Variants in PDE4D observed in about 807,000 individuals in gnomAD.
PDE4D encodes the protein 3',5'-cyclic-AMP phosphodiesterase 4D.
Under a neutral mutation model 87.4 loss-of-function variants are expected in PDE4D, and 24 were observed. The observed-to-expected ratio is 0.27, with a 90% CI of 0.20 to 0.39. The LOEUF is 0.39. PDE4D is among the 10% of genes least tolerant of loss of function. PDE4D has a pLI of 1.00. For synonymous variants in PDE4D, 384 were observed against 383.2 expected (o/e 1.00, Z -0.02); for missense variants, 714 against 1,041.0 (o/e 0.69, Z 4.32).
intron 1 of PDE4D, among the ~76,000 whole-genome samples, chr5:60,275,898 G>C (rs1751314636): frequency 6.6e-6 from 1 of 151,790 alleles, no homozygotes; most frequent in South Asian, 2.1e-4. Context: ...TGGATTTTTA[G>C]AAGTCTGTTG....
intron 1 of PDE4D, among the ~76,000 whole-genome samples, chr5:59,533,239 C>G (rs1319875991): frequency 1.3e-5 from 2 of 152,058 alleles, no homozygotes; most frequent in African/African-American, 4.8e-5. Flanking sequence ...AATATTTGTA[C>G]AAGGAAATGG....
At chr5:59,437,608 C>A (rs1157297290) in intron 1 of PDE4D, among the ~76,000 whole-genome samples, 4 of 151,914 alleles carry the variant, frequency 2.6e-5, no homozygotes, top group African/African-American at 9.7e-5. Context: ...TTTTTTAAAT[C>A]TATCAATTCA....
At chr5:59,525,716 C>T (rs1355516299) in intron 1 of PDE4D, among the ~76,000 whole-genome samples, 1 of 152,174 alleles carries the variant, frequency 6.6e-6, no homozygotes, top group Admixed American at 6.5e-5. Context: ...GGGAGGGAAC[C>T]TCATGGGAGG....
chr5:60,021,262 C>G (rs1766035847), intron 2 of PDE4D: 1 of 151,956 alleles, frequency 6.6e-6, no homozygotes, highest in South Asian at 2.1e-4. Context: ...GCAAGTGGCA[C>G]CAAGTCACTC....
intron 1 of PDE4D, among the ~76,000 whole-genome samples, chr5:60,485,608 TA>T (rs747438709): frequency 2.0e-5 from 3 of 152,198 alleles, no homozygotes; most frequent in African/African-American, 7.2e-5. Flanking sequence ...TGCATAGTTT[TA>T]CAGAACCTTA....
chr5:60,510,720 G>T (rs1460287574), intron 1 of PDE4D, among the ~76,000 whole-genome samples: 1 of 152,180 alleles, frequency 6.6e-6, no homozygotes, highest in Non-Finnish European at 1.5e-5. Context: ...TGTGAATGAT[G>T]ATGGCATGAT....
At chr5:60,124,428 A>C (rs1281601793) in intron 2 of PDE4D, among the ~76,000 whole-genome samples, 2 of 151,854 alleles carry the variant, frequency 1.3e-5, no homozygotes, top group African/African-American at 4.8e-5. Context: ...CTTCTGCTCT[A>C]TCCTCACACT....
chr5:59,182,965 G>A (rs1561649334), intron 4 of PDE4D, among the ~76,000 whole-genome samples: 1 of 152,182 alleles, frequency 6.6e-6, no homozygotes, highest in Admixed American at 6.5e-5. Context: ...AATAAAAAGG[G>A]TGGCTTGTGC....
chr5:59,593,682 A>C (rs544435700), intron 1 of PDE4D, among the ~76,000 whole-genome samples: 2 of 152,334 alleles, frequency 1.3e-5, no homozygotes, highest in East Asian at 3.9e-4. Flanking sequence ...GGAGAATCAC[A>C]ACATACCGGA....
chr5:59,601,467 A>T (rs1452596220), intron 1 of PDE4D, among the ~76,000 whole-genome samples: 1 of 150,642 alleles, frequency 6.6e-6, no homozygotes, highest in Non-Finnish European at 1.5e-5. Flanking sequence ...ATAATGAGGG[A>T]TCATTAATCT....
intron 6 of PDE4D, among the ~76,000 whole-genome samples, chr5:59,016,349 C>T (rs10471466): frequency 0.1 from 13,972 of 138,438 alleles, 923 homozygotes; most frequent in Non-Finnish European, 0.14. Context: ...TTTCATATCA[C>T]AGTTTTTTTT....
At chr5:60,334,589 T>C (rs984313682) in intron 1 of PDE4D, among the ~76,000 whole-genome samples, 3 of 152,044 alleles carry the variant, frequency 2.0e-5, no homozygotes, top group East Asian at 1.9e-4. Context: ...TCCCCAGTTA[T>C]AGAGTCCCTG....
chr5:58,976,551 A>C, intron 12 of PDE4D, 79 bp from the exon 13 acceptor site: 3 of 1,126,338 alleles, frequency 2.7e-6, no homozygotes, highest in Non-Finnish European at 3.8e-6. Context: ...TATAAGAATG[A>C]AAAAGGAATA....
chr5:59,124,242 T>C (rs60292659), intron 5 of PDE4D, among the ~76,000 whole-genome samples: 7,854 of 152,208 alleles, frequency 0.052, 274 homozygotes, highest in African/African-American at 0.084. Flanking sequence ...GGGGTTTTAT[T>C]TGACACGTGA....
chr5:59,326,244 G>A (rs1775635373), intron 1 of PDE4D, among the ~76,000 whole-genome samples: 1 of 151,732 alleles, frequency 6.6e-6, no homozygotes, highest in African/African-American at 2.4e-5. Context: ...TTGTGCACAT[G>A]TACCCTAAAA....
intron 3 of PDE4D, among the ~76,000 whole-genome samples, chr5:59,899,869 G>A (rs1337185827): frequency 6.6e-6 from 1 of 152,216 alleles, no homozygotes; most frequent in Non-Finnish European, 1.5e-5. Context: ...GGAAGTCCAT[G>A]CTGGTCATGG....
chr5:59,230,253 C>T (rs1414508320), intron 1 of PDE4D, among the ~76,000 whole-genome samples: 3 of 151,966 alleles, frequency 2.0e-5, no homozygotes, highest in Non-Finnish European at 2.9e-5. Context: ...GTTAGTTGCA[C>T]GTGTTTATTT....
Position 60,399,625 on chromosome 5 carries a change from G to C in PDE4D, c.-90+88317C>G, listed in dbSNP as rs547218953. ...CGGGGCCAGTGGCTCAGAGAACAGA[G>C]AAACTTCATCCTGGCAACTGTGGTG... On this transcript the variant is annotated intron_variant, in intron 1 of 16. Coordinates refer to the PDE4D transcript ENST00000502484. 2.0e-5 allele frequency among the ~76,000 whole-genome samples: 3 copies of C among 152,346 alleles called. No individual in the cohort carries two copies. The South Asian group carries it at 6.2e-4, about 32-fold the overall frequency.
intron 6 of PDE4D, among the ~76,000 whole-genome samples, chr5:59,019,876 TATC>T (rs1428005770): frequency 1.3e-5 from 1 of 78,326 alleles, no homozygotes; most frequent in African/African-American, 8.1e-5. Flanking sequence ...TTTCGCTATC[TATC>T]TATCTATCTA....
Sources: gnomAD v4.1 joint callset for allele counts (sites outside exome capture counted in the v4.1 genomes callset) on GRCh38, gnomAD v4.1.1 for gene constraint, MANE v1.5 for transcripts, NCBI Gene and HGNC (gene_info 2026-07-23, HGNC 2026-07-21) for gene names.